Variants in EPHA6 observed in about 807,000 individuals in gnomAD.
EPHA6 encodes the protein EPH receptor A6, also known as ephrin type-A receptor 6.
EPHA6 carries 50 observed loss-of-function variants against 112.0 expected under a neutral mutation model. That is an observed-to-expected ratio of 0.45 (90% CI 0.36 to 0.56). EPHA6 has a LOEUF of 0.56. Among genes scored for constraint, EPHA6 ranks in the 20% least tolerant of loss-of-function variants. The probability of loss-of-function intolerance (pLI) is 0.00; values close to 1 mark genes in which losing one functional copy is unlikely to be tolerated. For synonymous variants in EPHA6, 529 were observed against 490.7 expected, an observed-to-expected ratio of 1.08 and a Z score of -1.03; for missense variants, 1,280 against 1,417.4, an observed-to-expected ratio of 0.90 and a Z score of 1.56.
chr3:97,740,331 G>A (rs902466374), intron 16 of EPHA6, among the ~76,000 whole-genome samples: 4 of 152,076 alleles, frequency 2.6e-5, no homozygotes, highest in Non-Finnish European at 4.4e-5. Flanking sequence ...CCTGCTCCAG[G>A]TCCCCAGCAT....
chr3:97,551,923 T>C (rs557652428), intron 11 of EPHA6, among the ~76,000 whole-genome samples: 1 of 152,248 alleles, frequency 6.6e-6, no homozygotes, highest in South Asian at 2.1e-4. Context: ...AGAGAGAATA[T>C]ACTGAGATTT....
chr3:97,324,458 T>TTTCC, intron 5 of EPHA6, among the ~76,000 whole-genome samples: 1 of 148,534 alleles, frequency 6.7e-6, no homozygotes, highest in South Asian at 2.1e-4. Flanking sequence ...TCTTTCTTTC[T>TTTCC]TTCTTTCTTT....
At chr3:96,880,553 A>G (rs1023911874) in intron 2 of EPHA6, among the ~76,000 whole-genome samples, 1 of 152,184 alleles carries the variant, frequency 6.6e-6, no homozygotes, top group Admixed American at 6.5e-5. Context: ...AAATGAACAT[A>G]TCACAAAATT....
chr3:97,245,981 T>G (rs1445509134), intron 5 of EPHA6, among the ~76,000 whole-genome samples: 1 of 152,050 alleles, frequency 6.6e-6, no homozygotes, highest in Non-Finnish European at 1.5e-5. Context: ...CATATAATAT[T>G]GTACACTCAT....
chr3:97,398,893 G>A (rs1418263591), intron 5 of EPHA6, among the ~76,000 whole-genome samples: 1 of 151,384 alleles, frequency 6.6e-6, no homozygotes, highest in East Asian at 1.9e-4. Flanking sequence ...TGAATATACT[G>A]TGTAATGATG....
chr3:97,148,904 ATG>A (rs2076104545), intron 3 of EPHA6, among the ~76,000 whole-genome samples: 1 of 152,026 alleles, frequency 6.6e-6, no homozygotes, highest in Non-Finnish European at 1.5e-5. Flanking sequence ...CCTTTCATTA[ATG>A]TTTTGCTGGA....
intron 3 of EPHA6, among the ~76,000 whole-genome samples, chr3:97,214,386 A>C (rs1366637787): frequency 2.6e-5 from 4 of 151,742 alleles, no homozygotes. Context: ...GTTGGATTGA[A>C]TATTTTGAAG....
intron 10 of EPHA6, among the ~76,000 whole-genome samples, chr3:97,490,734 A>T (rs1013373616): frequency 6.6e-6 from 1 of 152,176 alleles, no homozygotes; most frequent in Admixed American, 6.5e-5. Context: ...CTGCACAACA[A>T]ATTACCCTAA....
intron 16 of EPHA6, among the ~76,000 whole-genome samples, chr3:97,744,791 A>G (rs893717678): frequency 6.6e-6 from 1 of 151,990 alleles, no homozygotes; most frequent in Non-Finnish European, 1.5e-5. Flanking sequence ...GTGTTATCTC[A>G]GGAGAAAGAA....
At chr3:97,460,835 A>T (rs927532602) in intron 7 of EPHA6, among the ~76,000 whole-genome samples, 7 of 152,146 alleles carry the variant, frequency 4.6e-5, no homozygotes, top group African/African-American at 1.7e-4. Context: ...GCATCTTTCC[A>T]TGGGCTTCCT....
At chr3:97,645,852 A>G (rs2107593023) in intron 14 of EPHA6, among the ~76,000 whole-genome samples, 1 of 152,184 alleles carries the variant, frequency 6.6e-6, no homozygotes, top group East Asian at 1.9e-4. Flanking sequence ...TTGCTGTGTA[A>G]CTATAATTGC....
chr3:96,991,814 G>A (rs557165187), intron 3 of EPHA6, among the ~76,000 whole-genome samples: 35 of 152,212 alleles, frequency 2.3e-4, no homozygotes, highest in Non-Finnish European at 3.5e-4. Context: ...ATAAGTTATG[G>A]TTCCTTACAC....
intron 2 of EPHA6, among the ~76,000 whole-genome samples, chr3:96,904,212 G>A (rs1307957477): frequency 1.3e-5 from 2 of 152,044 alleles, no homozygotes; most frequent in South Asian, 2.1e-4. Context: ...CAACCCAAAT[G>A]TCCAACAATG....
chr3:96,975,879 GATTT>G (rs1332131986), intron 2 of EPHA6, among the ~76,000 whole-genome samples: 1 of 152,014 alleles, frequency 6.6e-6, no homozygotes, highest in Non-Finnish European at 1.5e-5. Context: ...TATTTAATTT[GATTT>G]ATTTAACTCT....
At chr3:97,091,881 G>A (rs1296416049) in intron 3 of EPHA6, among the ~76,000 whole-genome samples, 1 of 151,690 alleles carries the variant, frequency 6.6e-6, no homozygotes, top group Non-Finnish European at 1.5e-5. Flanking sequence ...AAATACTCAG[G>A]CTTCATGTCT....
intron 5 of EPHA6, among the ~76,000 whole-genome samples, chr3:97,254,954 T>C (rs1004319310): frequency 6.6e-6 from 1 of 152,196 alleles, no homozygotes; most frequent in Admixed American, 6.5e-5. Context: ...TAGAACATTC[T>C]AGTTAGAGCA....
At chr3:96,910,246 C>A (rs2039148760) in intron 2 of EPHA6, among the ~76,000 whole-genome samples, 1 of 151,944 alleles carries the variant, frequency 6.6e-6, no homozygotes, top group South Asian at 2.1e-4. Flanking sequence ...TCTGAGGCAG[C>A]AAATGTAGGA....
At chr3:97,629,430 T>A (rs1390282593) in intron 13 of EPHA6, among the ~76,000 whole-genome samples, 4 of 151,944 alleles carry the variant, frequency 2.6e-5, no homozygotes, top group African/African-American at 7.2e-5. Flanking sequence ...AAGCATATGG[T>A]ATGGATGAGT....
intron 5 of EPHA6, among the ~76,000 whole-genome samples, chr3:97,378,819 T>C (rs1478278371): frequency 6.6e-6 from 1 of 152,194 alleles, no homozygotes; most frequent in Non-Finnish European, 1.5e-5. Context: ...CCATTGTATC[T>C]AGGAAGTAAC....
Sources: gnomAD v4.1 joint callset for allele counts (sites outside exome capture counted in the v4.1 genomes callset) on GRCh38, gnomAD v4.1.1 for gene constraint, MANE v1.5 for transcripts, NCBI Gene and HGNC (gene_info 2026-07-23, HGNC 2026-07-21) for gene names.